SLC5A8: variants seen among roughly 807,000 people sequenced by gnomAD.
SLC5A8 encodes solute carrier family 5 member 8.
A neutral mutation model predicts 71.9 loss-of-function variants in SLC5A8; 55 were observed. That is an observed-to-expected ratio of 0.77 (90% confidence interval 0.62 to 0.96). SLC5A8 has a LOEUF of 0.96. Among genes scored for constraint, SLC5A8 ranks in the 40% least tolerant of loss-of-function variants. The pLI, the probability that SLC5A8 is intolerant of heterozygous loss-of-function variation, is 0.00. For missense variants in SLC5A8, 701 were observed against 745.3 expected (o/e 0.94, Z 0.69); for synonymous variants, 307 against 276.1 (o/e 1.11, Z -1.11).
At chr12:101,199,617 C>T (rs1302125235) in intron 3 of SLC5A8, among the ~76,000 whole-genome samples, 1 of 151,686 alleles carries the variant, frequency 6.6e-6, no homozygotes, top group Non-Finnish European at 1.5e-5. Context: ...ATAGGTAATA[C>T]CCACTAGAAT....
chr12:101,200,329 C>T (rs1386507495), intron 3 of SLC5A8, among the ~76,000 whole-genome samples: 1 of 152,036 alleles, frequency 6.6e-6, no homozygotes, highest in Non-Finnish European at 1.5e-5. Context: ...TATTAGGCAA[C>T]TACTAAAACT....
chr12:101,168,394 G>C (rs1199815511), intron 10 of SLC5A8, among the ~76,000 whole-genome samples: 4 of 152,066 alleles, frequency 2.6e-5, no homozygotes, highest in African/African-American at 9.7e-5. Context: ...TCTGCAAGTA[G>C]CCTCAAAAAA....
Position 101,180,050 on chromosome 12 carries a change from T to G in SLC5A8, c.1212A>C (p.Ser404=). Residue 404 remains serine, a synonymous_variant, in exon 10 of 15, where the codon TCA becomes TCC. Transcript: ENST00000536262. ...ALCIGMAALA[S]LMGALLQAAL... is the part of the protein sequence containing the mutation. Reference sequence around the variant, plus strand: ...TCACCTGCAACAAAGCTCCCATAAGTGACGCCAGCGCAGCCATTCCAATAC... The same window carrying G: ...TCACCTGCAACAAAGCTCCCATAAGGGACGCCAGCGCAGCCATTCCAATAC... The G allele has an allele frequency of 6.2e-7, 1 of 1,614,012 alleles. No individual in the cohort carries two copies. Among genetic ancestry groups the G allele is most frequent in the Non-Finnish European group, 8.5e-7 (1 of 1,179,936 alleles).
intron 3 of SLC5A8, among the ~76,000 whole-genome samples, chr12:101,200,009 C>CAAAAAAAAAAAAAAAAAAAAAAAAAAAA (rs1182463470): frequency 1.0e-4 from 1 of 9,640 alleles, no homozygotes. Context: ...GTACTACCAG[C>CAAAAAAAAAAAAAAAAAAAAAAAAAAAA]AAAAAAAAAA....
At chr12:101,170,980 A>G (rs546830475) in intron 10 of SLC5A8, among the ~76,000 whole-genome samples, 1 of 152,156 alleles carries the variant, frequency 6.6e-6, no homozygotes, top group African/African-American at 2.4e-5. Flanking sequence ...TCTGATGCTC[A>G]TGCATTTTAT....
At chr12:101,208,702 T>G (rs1869782560) in intron 1 of SLC5A8, among the ~76,000 whole-genome samples, 1 of 152,176 alleles carries the variant, frequency 6.6e-6, no homozygotes, top group African/African-American at 2.4e-5. Flanking sequence ...TTGAGAACCT[T>G]GCTGCCTAAT....
chr12:101,210,176 A>ATTTTTTAATGAT lies in SLC5A8; in HGVS notation c.-329_-328insATCATTAAAAAA. On this transcript the variant is annotated 5_prime_UTR_variant, in exon 1 of 15. Transcript: ENST00000536262. ...CGCCGGGGACACCTGAGCAGATGAG[A>ATTTTTTAATGAT]ACTGGAGCCTCCAGCTGCTTCCAGC... is the stretch of plus-strand genomic sequence containing the variant. 9.1e-6 allele frequency: 3 copies of ATTTTTTAATGAT among 329,052 alleles called. No individual in the cohort carries two copies. Among genetic ancestry groups the ATTTTTTAATGAT allele is most frequent in the Non-Finnish European group, 1.1e-5 (2 of 182,840 alleles). The allele number at this position is 329,052 out of a possible 1,614,324, so 20.4% of individuals were successfully genotyped here.
chr12:101,168,045 C>A (rs1349916427), intron 11 of SLC5A8, 51 bp downstream of exon 11: 2 of 1,504,538 alleles, frequency 1.3e-6, no homozygotes, highest in Non-Finnish European at 1.8e-6. Context: ...TGTAGAGCTG[C>A]TAGTATAGTT....
In SLC5A8 at chr12:101,187,292, C is replaced by T. The variant is rs1012063634; in HGVS notation, c.963+94G>A. ...AGATGATGATGGCATGTCCACTTTC[C>T]GTTTCTCTACAAGAATATGAATGCT... On this transcript the variant is annotated intron_variant, in intron 7 of 14. Coordinates refer to ENST00000536262, the MANE Select transcript of SLC5A8 (RefSeq NM_145913.5). 25 of 1,352,370 alleles carry T rather than the reference C, an allele frequency of 1.8e-5. No individual in the cohort carries two copies. The African/African-American group carries it at 3.0e-4, about 16-fold the overall frequency. The allele number at this position is 1,352,370 out of a possible 1,614,324, so 83.8% of individuals were successfully genotyped here. A position where few individuals can be genotyped will look rare whatever the true frequency, so the allele number is the denominator to read the frequency against.
At chr12:101,161,465 T>C (rs2051722571) in intron 13 of SLC5A8, among the ~76,000 whole-genome samples, 1 of 152,070 alleles carries the variant, frequency 6.6e-6, no homozygotes, top group Non-Finnish European at 1.5e-5. Flanking sequence ...ACACACTTTT[T>C]AAAAAATGAT....
chr12:101,169,052 C>G (rs556793761), intron 10 of SLC5A8, among the ~76,000 whole-genome samples: 2 of 152,108 alleles, frequency 1.3e-5, no homozygotes, highest in African/African-American at 4.8e-5. Flanking sequence ...GGATGTGGTA[C>G]TGAGTAGAGA....
chr12:101,177,227 T>G (rs901816006), intron 10 of SLC5A8, among the ~76,000 whole-genome samples: 2 of 152,072 alleles, frequency 1.3e-5, no homozygotes, highest in Non-Finnish European at 2.9e-5. Context: ...AATGGATAAT[T>G]TGAATAGCTC....
At chr12:101,204,614 A>T in intron 1 of SLC5A8, 49 bp from the exon 2 acceptor site, 1 of 1,281,948 alleles carries the variant, frequency 7.8e-7, no homozygotes, top group Non-Finnish European at 1.1e-6. Flanking sequence ...CCTTTTTTAA[A>T]ATCAGCAGCT....
chr12:101,172,531 C>T (rs2137132547), intron 10 of SLC5A8, among the ~76,000 whole-genome samples: 1 of 152,208 alleles, frequency 6.6e-6, no homozygotes, highest in African/African-American at 2.4e-5. Flanking sequence ...TGGACTGGGC[C>T]TCATCCCGTG....
chr12:101,192,537 G>A (rs559294677), intron 5 of SLC5A8, among the ~76,000 whole-genome samples: 14 of 152,280 alleles, frequency 9.2e-5, no homozygotes, highest in South Asian at 4.1e-4. Context: ...GATCCAAAAC[G>A]GAAGGCGTTT....
At chr12:101,192,751 C>T (rs1446916474) in intron 5 of SLC5A8, among the ~76,000 whole-genome samples, 1 of 152,096 alleles carries the variant, frequency 6.6e-6, no homozygotes, top group Non-Finnish European at 1.5e-5. Context: ...ATAATACATA[C>T]ACATACATAG....
Position 101,193,733 on chromosome 12 carries a change from A to G in SLC5A8, c.584T>C (p.Ile195Thr). ...VIWTDVFQVGIMVAGFASVII... is the reference protein window; with the variant it reads ...VIWTDVFQVGTMVAGFASVII... ...CACGGATGCAAATCCAGCCACCATG[A>G]TCCCAACTTGAAAAACATCTGTCCA... The change falls in exon 5 of 15, where the codon ATC becomes ACC. Residue 195 changes from isoleucine (I) to threonine (T), a missense_variant. Physicochemically the swap from Ile to Thr is moderately conservative, Grantham distance 89 (BLOSUM62 -1). Coordinates refer to ENST00000536262, the MANE Select transcript of SLC5A8 (RefSeq NM_145913.5). The G allele has an allele frequency of 6.2e-7, 1 of 1,614,160 alleles. No individual in the cohort carries two copies. The highest frequency in any genetic ancestry group is 8.5e-7 in the Non-Finnish European group (1 of 1,180,020).
chr12:101,208,726 C>A (rs1433270432), intron 1 of SLC5A8, among the ~76,000 whole-genome samples: 4 of 152,154 alleles, frequency 2.6e-5, no homozygotes, highest in Admixed American at 2.6e-4. Context: ...CCTACTGATC[C>A]CAAGATAACT....
At chr12:101,188,294 A>G (rs1005789546) in intron 6 of SLC5A8, among the ~76,000 whole-genome samples, 4 of 152,206 alleles carry the variant, frequency 2.6e-5, no homozygotes, top group Admixed American at 6.5e-5. Flanking sequence ...AGTTATTGAT[A>G]TTAGTGTTAG....
Sources: allele counts gnomAD v4.1 joint callset (sites outside exome capture counted in the v4.1 genomes callset), GRCh38; gene constraint gnomAD v4.1.1; transcripts MANE v1.5; gene names NCBI Gene and HGNC (gene_info 2026-07-23, HGNC 2026-07-21).